REC114: variants seen among roughly 807,000 people sequenced by gnomAD.
REC114 encodes meiotic recombination protein REC114.
A neutral mutation model predicts 31.3 loss-of-function variants in REC114; 27 were observed. The ratio of observed to expected loss-of-function variants is 0.86; its 90% CI spans 0.64 to 1.19. REC114 has a LOEUF of 1.19. Ranked by LOEUF, REC114 falls within the 50% of genes most tolerant of loss-of-function variation. The pLI, the probability that REC114 is intolerant of heterozygous loss-of-function variation, is 0.00. For synonymous variants in REC114, 134 were observed against 127.7 expected, an observed-to-expected ratio of 1.05 and a Z score of -0.33; for missense variants, 344 against 326.9, an observed-to-expected ratio of 1.05 and a Z score of -0.40.
chr15:73,502,217 T>C (rs2141309042), intron 2 of REC114, among the ~76,000 whole-genome samples: 1 of 152,262 alleles, frequency 6.6e-6, no homozygotes, highest in South Asian at 2.1e-4. Context: ...ATTTGTTTAC[T>C]TTGTATTCTT....
intron 2 of REC114, among the ~76,000 whole-genome samples, chr15:73,478,188 C>T (rs1485291529): frequency 7.0e-6 from 1 of 143,250 alleles, no homozygotes; most frequent in Non-Finnish European, 1.5e-5. Flanking sequence ...TGCTTGAACC[C>T]AGGAGACAGA....
intron 1 of REC114, among the ~76,000 whole-genome samples, chr15:73,469,843 C>T (rs911017747): frequency 6.6e-6 from 1 of 152,098 alleles, no homozygotes; most frequent in East Asian, 1.9e-4. Flanking sequence ...CGCCACCATG[C>T]CCGGCTAATT....
intron 2 of REC114, among the ~76,000 whole-genome samples, chr15:73,513,044 C>T (rs1427834702): frequency 6.6e-6 from 1 of 150,740 alleles, no homozygotes; most frequent in Non-Finnish European, 1.5e-5. Flanking sequence ...GAGTGTTTTC[C>T]AACTTGGTTC....
At chr15:73,489,226 CAG>C (rs1277406268) in intron 2 of REC114, among the ~76,000 whole-genome samples, 1 of 120,672 alleles carries the variant, frequency 8.3e-6, no homozygotes, top group South Asian at 2.8e-4. Flanking sequence ...TTTTTTGAGA[CAG>C]AGTCTCACTC....
chr15:73,483,578 C>T (rs960479844), intron 2 of REC114: 4 of 152,494 alleles, frequency 2.6e-5, no homozygotes, highest in Non-Finnish European at 4.4e-5. Flanking sequence ...TAATTCGAGC[C>T]TCCAGGAAGC....
intron 2 of REC114, among the ~76,000 whole-genome samples, chr15:73,482,064 G>A (rs376823754): frequency 1.3e-5 from 2 of 152,052 alleles, no homozygotes; most frequent in South Asian, 4.2e-4. Flanking sequence ...CTTGCAAAAC[G>A]AAAACTCTGT....
chr15:73,551,225 G>C (rs60401042), intron 4 of REC114, 75 bp downstream of exon 4: 23,125 of 1,378,060 alleles, frequency 0.017, 362 homozygotes, highest in African/African-American at 0.072. Context: ...AATGACAGTG[G>C]AGTTTGTCAA....
intron 2 of REC114, among the ~76,000 whole-genome samples, chr15:73,508,325 T>C (rs1893711215): frequency 6.6e-6 from 1 of 152,150 alleles, no homozygotes; most frequent in Non-Finnish European, 1.5e-5. Context: ...AGTTAGTATG[T>C]TCATTTACTG....
intron 2 of REC114, among the ~76,000 whole-genome samples, chr15:73,508,380 G>T (rs905940232): frequency 2.7e-5 from 4 of 149,760 alleles, no homozygotes; most frequent in African/African-American, 9.8e-5. Flanking sequence ...TTCTTCATCT[G>T]CCAGTATATA....
chr15:73,444,513 C>T (rs1195619774), intron 1 of REC114, among the ~76,000 whole-genome samples: 3 of 152,200 alleles, frequency 2.0e-5, no homozygotes, highest in South Asian at 4.1e-4. Flanking sequence ...CAAGTTTTAT[C>T]GTAAAATTAT....
At chr15:73,546,351 C>T (rs1458421823) in intron 3 of REC114, among the ~76,000 whole-genome samples, 1 of 151,694 alleles carries the variant, frequency 6.6e-6, no homozygotes, top group East Asian at 1.9e-4. Context: ...CATCCTTTGA[C>T]CCAGCAAATC....
At chr15:73,457,380 A>C (rs1892931456) in intron 1 of REC114, among the ~76,000 whole-genome samples, 1 of 152,090 alleles carries the variant, frequency 6.6e-6, no homozygotes, top group East Asian at 1.9e-4. Context: ...GAAGCAGAGG[A>C]GGAGGTTCTG....
chr15:73,531,514 C>T (rs1288993716), intron 2 of REC114, among the ~76,000 whole-genome samples: 2 of 152,156 alleles, frequency 1.3e-5, no homozygotes, highest in African/African-American at 2.4e-5. Context: ...TGTAGTGTGG[C>T]GCCCCATCTT....
intron 1 of REC114, among the ~76,000 whole-genome samples, chr15:73,461,125 T>C (rs1018808318): frequency 3.3e-5 from 5 of 152,134 alleles, no homozygotes; most frequent in African/African-American, 1.2e-4. Flanking sequence ...GGGGAAGGTC[T>C]GCGTGTTATT....
intron 2 of REC114, among the ~76,000 whole-genome samples, chr15:73,533,685 A>G (rs1283688298): frequency 6.8e-6 from 1 of 146,736 alleles, no homozygotes; most frequent in African/African-American, 2.6e-5. Context: ...CACCAAGCGG[A>G]CCTAATAGAC....
chr15:73,522,267 C>G (rs889705949), intron 2 of REC114, among the ~76,000 whole-genome samples: 2 of 152,182 alleles, frequency 1.3e-5, no homozygotes, highest in African/African-American at 4.8e-5. Flanking sequence ...CTTCTTTACT[C>G]AGTAACTTAC....
At chr15:73,503,545 C>CA (rs1403430679) in intron 2 of REC114, among the ~76,000 whole-genome samples, 1 of 152,108 alleles carries the variant, frequency 6.6e-6, no homozygotes, top group African/African-American at 2.4e-5. Context: ...ATTATAGTTA[C>CA]ATTATGGGGT....
intron 1 of REC114, among the ~76,000 whole-genome samples, chr15:73,466,103 G>T (rs530261428): frequency 6.6e-6 from 1 of 151,396 alleles, no homozygotes; most frequent in African/African-American, 2.4e-5. Context: ...TGCCCACCTC[G>T]GCCTCCCAAA....
chr15:73,501,146 G>A (rs8037486), intron 2 of REC114, among the ~76,000 whole-genome samples: 148,862 of 152,312 alleles, frequency 0.98, 72,830 homozygotes, highest in East Asian at 1. Context: ...TGAGGTTATG[G>A]TATTTGAAGT....
Sources: gnomAD v4.1 joint callset for allele counts (sites outside exome capture counted in the v4.1 genomes callset) on GRCh38, gnomAD v4.1.1 for gene constraint, MANE v1.5 for transcripts, NCBI Gene and HGNC (gene_info 2026-07-23, HGNC 2026-07-21) for gene names.